HEMGN: variants seen among roughly 807,000 people sequenced by gnomAD.
The protein encoded by HEMGN is erythroid differentiation-associated gene protein.
In HEMGN, 32 loss-of-function variants were observed where a neutral mutation model predicts 45.7. That is an observed-to-expected ratio of 0.70 (90% CI 0.53 to 0.94). HEMGN has a LOEUF of 0.94. HEMGN is among the 40% of genes least tolerant of loss of function. The probability of loss-of-function intolerance (pLI) is 0.00; values close to 1 mark genes in which losing one functional copy is unlikely to be tolerated. For missense variants in HEMGN, 530 were observed against 564.2 expected (o/e 0.94, Z 0.61); for synonymous variants, 183 against 178.6 (o/e 1.02, Z -0.20).
At chr9:97,935,560 G>C (rs1042626981) in intron 2 of HEMGN, among the ~76,000 whole-genome samples, 1 of 152,120 alleles carries the variant, frequency 6.6e-6, no homozygotes, top group Non-Finnish European at 1.5e-5. Flanking sequence ...TGCACTTTTG[G>C]CTCTTTGGGC....
rs1391955677 is a variant in HEMGN, at chr9:97,930,265, A to G, written c.1130T>C (p.Leu377Pro). 1 of 1,614,126 alleles carries G rather than the reference A, an allele frequency of 6.2e-7. No homozygotes were observed. Among genetic ancestry groups the G allele is most frequent in the African/African-American group, 1.3e-5 (1 of 75,026 alleles). Residue 377 changes from leucine (L) to proline (P), a missense_variant, in exon 3 of 4, where the codon CTT becomes CCT. Transcript: ENST00000616898. ...SPETYQEIPG[L>P]EEYSPEIYQE... ...GTATATTTCAGGTGAATATTCTTCA[A>G]GCCCAGGTATTTCTTGATACGTTTC... is the stretch of plus-strand genomic sequence containing the variant.
At chr9:97,937,110 G>A (rs1012331273) in intron 1 of HEMGN, among the ~76,000 whole-genome samples, 32 of 151,952 alleles carry the variant, frequency 2.1e-4, no homozygotes, top group African/African-American at 7.3e-4. Context: ...TTCTTAATAG[G>A]AAAAATTATA....
Position 97,930,850 on chromosome 9 carries a change from A to G in HEMGN, c.545T>C (p.Val182Ala). 1.2e-6 allele frequency: 2 copies of G among 1,614,108 alleles called. No individual in the cohort carries two copies. The highest frequency in any genetic ancestry group is 1.7e-6 in the Non-Finnish European group (2 of 1,179,948). The change falls in exon 3 of 4, where the codon GTA (valine) becomes GCA (alanine). Residue 182 changes from valine (V) to alanine (A), a missense_variant. Coordinates refer to ENST00000616898, the MANE Select transcript of HEMGN (RefSeq NM_197978.3). ...LSPKMYQEIS[V>A]LQDNSSKICQ... is the part of the protein sequence containing the mutation. ...TATTTTGGAAGAATTGTCTTGAAGT[A>G]CAGATATTTCTTGGTACATTTTAGG...
intron 2 of HEMGN, among the ~76,000 whole-genome samples, chr9:97,935,471 G>A (rs1162572164): frequency 6.6e-6 from 1 of 152,080 alleles, no homozygotes; most frequent in Non-Finnish European, 1.5e-5. Flanking sequence ...GCACAAGCCA[G>A]CCCCCCACAC....
Position 97,930,463 on chromosome 9 carries a change from GA to G in HEMGN, c.931del (p.Ser311LeufsTer46). 1.9e-6 allele frequency: 3 copies of G among 1,614,118 alleles called. No individual in the cohort carries two copies. Among genetic ancestry groups the G allele is most frequent in the South Asian group, 2.2e-5 (2 of 91,074 alleles). On this transcript the variant is annotated frameshift_variant, in exon 3 of 4. Transcript: ENST00000616898. LOFTEE classifies it high-confidence loss of function. The part of the protein sequence containing the change: ...IQEIAEPKDL[S>X]TKTHQESAEP... ...AGCTGATTCTTGGTGTGTTTTTGTA[GA>G]AAGGTCTTTAGGCTCAGCTATTTCT... is the stretch of plus-strand genomic sequence containing the variant.
chr9:97,943,964 C>G (rs1159605755), intron 1 of HEMGN, among the ~76,000 whole-genome samples: 1 of 152,020 alleles, frequency 6.6e-6, no homozygotes, highest in Admixed American at 6.6e-5. Flanking sequence ...TGGTGTGGAG[C>G]CTCTCTGATG....
Position 97,930,434 on chromosome 9 carries a change from G to A in HEMGN, c.961C>T (p.Pro321Ser), listed in dbSNP as rs773436157. 1 of 1,614,126 alleles carries A rather than the reference G, an allele frequency of 6.2e-7. No individual in the cohort carries two copies. The highest frequency in any genetic ancestry group is 8.5e-7 in the Non-Finnish European group (1 of 1,180,000). Residue 321 changes from proline to serine, a missense_variant, in exon 3 of 4, where the codon CCT (proline) becomes TCT (serine). Physicochemically the swap from Pro to Ser is moderately conservative, Grantham distance 74. Coordinates refer to ENST00000616898, the MANE Select transcript of HEMGN (RefSeq NM_197978.3). ...CATGTTTTATGAGGAAGGTATTTAG[G>A]TTCAGCTGATTCTTGGTGTGTTTTT... ...STKTHQESAE[P>S]KYLPHKTCNE... is the part of the protein sequence containing the mutation.
intron 2 of HEMGN, among the ~76,000 whole-genome samples, chr9:97,933,301 T>A (rs1826992009): frequency 6.6e-6 from 1 of 152,248 alleles, no homozygotes; most frequent in Admixed American, 6.5e-5. Flanking sequence ...AGTGCTTGTA[T>A]ATGTCAGGCA....
At chr9:97,938,401 A>C, upstream of HEMGN, 7 of 346,374 alleles carry the variant, frequency 2.0e-5, no homozygotes, top group Non-Finnish European at 3.1e-5. Context: ...TATACAGGGA[A>C]ACTCTCTGAC....
chr9:97,929,636 CG>C, intron 3 of HEMGN, among the ~76,000 whole-genome samples: 1 of 152,288 alleles, frequency 6.6e-6, no homozygotes, highest in South Asian at 2.1e-4. Flanking sequence ...CTCAGTACTT[CG>C]TACTATGAAT....
At chr9:97,932,316 C>T (rs1826969261) in intron 2 of HEMGN, among the ~76,000 whole-genome samples, 1 of 152,112 alleles carries the variant, frequency 6.6e-6, no homozygotes, top group Non-Finnish European at 1.5e-5. Flanking sequence ...AAAGTATACC[C>T]TGTTCCATTT....
intron 1 of HEMGN, among the ~76,000 whole-genome samples, chr9:97,943,828 A>G (rs1827184894): frequency 1.3e-5 from 2 of 152,152 alleles, no homozygotes; most frequent in South Asian, 4.2e-4. Context: ...TAAATCATCA[A>G]TGATTTCCTA....
In HEMGN at chr9:97,927,488, C is replaced by G; in HGVS notation, c.1361-10G>C. 8 of 1,539,604 alleles carry G rather than the reference C, an allele frequency of 5.2e-6. No homozygotes were observed. Among genetic ancestry groups the G allele is most frequent in the Non-Finnish European group, 7.2e-6 (8 of 1,116,280 alleles). On this transcript the variant is annotated splice_polypyrimidine_tract_variant and intron_variant, in intron 3 of 3. Coordinates refer to ENST00000616898, the MANE Select transcript of HEMGN (RefSeq NM_197978.3). ...GGTTTTTCTTTCATTTCTGTAAAAT[C>G]AAATAAAATAAAAAATAGATTCAAT... is the stretch of plus-strand genomic sequence containing the variant.
chr9:97,927,486 A>G lies in HEMGN; in HGVS notation c.1361-8T>C. ...TGGGTTTTTCTTTCATTTCTGTAAAATCAAATAAAATAAAAAATAGATTCA... is the reference window on the plus strand; with the variant it reads ...TGGGTTTTTCTTTCATTTCTGTAAAGTCAAATAAAATAAAAAATAGATTCA... On this transcript the variant is annotated splice_polypyrimidine_tract_variant and splice_region_variant and intron_variant, in intron 3 of 3. Transcript: ENST00000616898. The G allele has an allele frequency of 6.5e-7, 1 of 1,543,554 alleles. No individual in the cohort carries two copies. Among genetic ancestry groups the G allele is most frequent in the Non-Finnish European group, 8.9e-7 (1 of 1,118,868 alleles).
intron 2 of HEMGN, among the ~76,000 whole-genome samples, chr9:97,934,221 G>A (rs2131554982): frequency 6.6e-6 from 1 of 152,122 alleles, no homozygotes; most frequent in East Asian, 1.9e-4. Flanking sequence ...GGTGGCCAGT[G>A]CCTGTATTCC....
chr9:97,929,642 A>C (rs1392480412), intron 3 of HEMGN, among the ~76,000 whole-genome samples: 2 of 152,244 alleles, frequency 1.3e-5, no homozygotes, highest in South Asian at 4.1e-4. Flanking sequence ...ACTTCGTACT[A>C]TGAATTTACC....
At position 97,938,079 on chromosome 9, in the gene HEMGN, G is replaced by A; in HGVS notation, c.58C>T (p.Gln20Ter). The A allele has an allele frequency of 1.2e-6, 2 of 1,608,494 alleles. No homozygotes were observed. The highest frequency in any genetic ancestry group is 1.7e-6 in the Non-Finnish European group (2 of 1,177,620). Residue 20 changes from glutamine to a stop codon, truncating the protein, a stop_gained, in exon 1 of 4, where the codon CAA becomes TAA. Transcript: ENST00000616898. LOFTEE classifies it high-confidence loss of function. ...LKHHQTPDPH[Q>*]EENHSPEVIG... ...TTACCTGGAGAATGGTTCTCTTCTT[G>A]ATGAGGGTCAGGTGTCTGATGGTGC... is the stretch of plus-strand genomic sequence containing the variant.
intron 2 of HEMGN, among the ~76,000 whole-genome samples, chr9:97,933,799 G>A (rs1331297884): frequency 1.3e-5 from 2 of 152,100 alleles, no homozygotes; most frequent in African/African-American, 4.8e-5. Flanking sequence ...AGTGAGAAAA[G>A]AGGGCACAGG....
At chr9:97,931,492 ATGCG>A (rs1311453722) in intron 2 of HEMGN, among the ~76,000 whole-genome samples, 4 of 152,226 alleles carry the variant, frequency 2.6e-5, no homozygotes, top group Admixed American at 2.6e-4. Flanking sequence ...GCATGCGCGT[ATGCG>A]TGCGTGCGTG....
Sources: gnomAD v4.1 joint callset for allele counts (sites outside exome capture counted in the v4.1 genomes callset) on GRCh38, gnomAD v4.1.1 for gene constraint, MANE v1.5 for transcripts, NCBI Gene and HGNC (gene_info 2026-07-23, HGNC 2026-07-21) for gene names.